OPA3: variants seen among roughly 807,000 people sequenced by gnomAD.
OPA3 encodes optic atrophy 3 protein.
In OPA3, 6 loss-of-function variants were observed where a neutral mutation model predicts 4.0. The observed-to-expected ratio is 1.51, with a 90% CI of 0.83 to 2.99. The LOEUF (loss-of-function observed/expected upper bound fraction) is 2.99. OPA3 is among the 30% of genes most tolerant of loss of function. OPA3 has a pLI of 0.00. For synonymous variants in OPA3, 105 were observed against 117.1 expected (o/e 0.90, Z 0.67); for missense variants, 235 against 256.2 (o/e 0.92, Z 0.56).
At chr19:45,577,357 A>T (rs982380838) in intron 1 of OPA3, among the ~76,000 whole-genome samples, 2 of 152,226 alleles carry the variant, frequency 1.3e-5, no homozygotes, top group African/African-American at 4.8e-5. Flanking sequence ...CCTGAGAGAA[A>T]GCAGGGCCGC....
chr19:45,557,191 T>G (rs1374440445), intron 1 of OPA3, among the ~76,000 whole-genome samples: 1 of 152,046 alleles, frequency 6.6e-6, no homozygotes, highest in East Asian at 1.9e-4. Context: ...GGCCAGCAGG[T>G]GGGTCTAGGT....
At chr19:45,568,035 A>G (rs1019541229) in intron 1 of OPA3, among the ~76,000 whole-genome samples, 3 of 152,086 alleles carry the variant, frequency 2.0e-5, no homozygotes, top group Non-Finnish European at 2.9e-5. Context: ...GTCTCACTCT[A>G]TCACACAAGC....
rs1480523885 is a variant in OPA3, at chr19:45,551,310, TTGAA to T, written c.*2200_*2203del. 6.6e-6 allele frequency: 1 copy of T among 152,432 alleles called. No individual in the cohort carries two copies. Among genetic ancestry groups the T allele is most frequent in the Non-Finnish European group, 1.5e-5 (1 of 68,244 alleles). The allele number at this position is 152,432 out of a possible 1,614,324, so 9.4% of individuals were successfully genotyped here. A position where few individuals can be genotyped will look rare whatever the true frequency, so the allele number is the denominator to read the frequency against. On this transcript the variant is annotated 3_prime_UTR_variant, in exon 2 of 2. Coordinates refer to ENST00000263275, the MANE Select transcript of OPA3 (RefSeq NM_025136.4). ...GAGGAGGAATAGTGGGCTGAATGGC[TTGAA>T]TGGTGTGCCCCCAACAGACAAGTCC...
intron 1 of OPA3, among the ~76,000 whole-genome samples, chr19:45,534,560 CAAAAAAAAAAAA>C (rs71173177): frequency 3.6e-5 from 2 of 54,980 alleles, no homozygotes; most frequent in East Asian, 6.2e-4. Flanking sequence ...AACTCTGTCC[CAAAAAAAAAAAA>C]AAAAAAAAAG....
chr19:45,582,015 T>C (rs1229998210), intron 1 of OPA3, among the ~76,000 whole-genome samples: 1 of 152,068 alleles, frequency 6.6e-6, no homozygotes, highest in African/African-American at 2.4e-5. Context: ...GTCAGGCTGG[T>C]CTCGAACTCC....
intron 1 of OPA3, among the ~76,000 whole-genome samples, chr19:45,579,575 A>C (rs1384257867): frequency 6.6e-6 from 1 of 152,082 alleles, no homozygotes; most frequent in Non-Finnish European, 1.5e-5. Context: ...AAGGTACCTG[A>C]GGGCAAGATG....
Position 45,563,185 on chromosome 19 carries a change from A to T in OPA3, c.143-9274T>A, listed in dbSNP as rs529725917. 1.3e-4 allele frequency among the ~76,000 whole-genome samples: 20 copies of T among 152,252 alleles called. No individual in the cohort carries two copies. In the South Asian group the frequency reaches 3.9e-3, roughly 30 times the overall value. On this transcript the variant is annotated intron_variant, in intron 1 of 1. Coordinates refer to ENST00000263275, the MANE Select transcript of OPA3 (RefSeq NM_025136.4). ...ATTTTTTTGTTTGTTTTAGAGTCGGAGTCTCACTGTGTCGCCCAGGCTGGA... is the reference window on the plus strand; with the variant it reads ...ATTTTTTTGTTTGTTTTAGAGTCGGTGTCTCACTGTGTCGCCCAGGCTGGA...
intron 1 of OPA3, among the ~76,000 whole-genome samples, chr19:45,538,554 C>T (rs1160777075): frequency 6.6e-6 from 1 of 151,894 alleles, no homozygotes; most frequent in African/African-American, 2.4e-5. Flanking sequence ...AACTACCTGT[C>T]TCTACTGAAA....
rs1969300441 is a variant in OPA3, at chr19:45,549,468, T to TGTTC, written c.*4042_*4045dup. Reference sequence around the variant, plus strand: ...GGTCAGGAATTGGAGCTCCTGCCTGTGTTCACACTCCCACCTCTGTTTTTT... The same window carrying TGTTC: ...GGTCAGGAATTGGAGCTCCTGCCTGTGTTCGTTCACACTCCCACCTCTGTTTTTT... On this transcript the variant is annotated 3_prime_UTR_variant, in exon 2 of 2. Transcript: ENST00000263275. The TGTTC allele has an allele frequency of 2.0e-6, 2 of 984,048 alleles. No homozygotes were observed. Among genetic ancestry groups the TGTTC allele is most frequent in the Non-Finnish European group, 2.4e-6 (2 of 829,832 alleles). The allele number at this position is 984,048 out of a possible 1,614,324, so 61.0% of individuals were successfully genotyped here.
intron 1 of OPA3, 182 bp downstream of exon 1, chr19:45,584,441 C>A (rs1355610160): frequency 2.0e-6 from 2 of 985,024 alleles, no homozygotes; most frequent in Non-Finnish European, 2.4e-6. Flanking sequence ...CCCTTACGCC[C>A]CGCCCCGCCC....
chr19:45,537,005 G>A (rs79270510), intron 1 of OPA3, among the ~76,000 whole-genome samples: 3,997 of 152,182 alleles, frequency 0.026, 175 homozygotes, highest in African/African-American at 0.091. Flanking sequence ...CAAGGTGGGA[G>A]GATTGCTTCA....
At chr19:45,543,875 C>T (rs1969215326), downstream of OPA3, among the ~76,000 whole-genome samples, 1 of 152,166 alleles carries the variant, frequency 6.6e-6, no homozygotes, top group Admixed American at 6.6e-5. Flanking sequence ...CTCAAGGTTC[C>T]TGCTGGTTTT....
chr19:45,535,843 T>C (rs1969111109), intron 1 of OPA3, among the ~76,000 whole-genome samples: 1 of 149,700 alleles, frequency 6.7e-6, no homozygotes, highest in South Asian at 2.1e-4. Flanking sequence ...TAGCTCACTA[T>C]AGCCTTGATC....
chr19:45,548,603 C>T lies in OPA3; in HGVS notation c.*4911G>A, dbSNP rs1969285103. The T allele has an allele frequency of 1.0e-6, 1 of 984,750 alleles. No homozygotes were observed. Among genetic ancestry groups the T allele is most frequent in the Non-Finnish European group, 1.2e-6 (1 of 829,824 alleles). The allele number at this position is 984,750 out of a possible 1,614,324, so 61.0% of individuals were successfully genotyped here. A position where few individuals can be genotyped will look rare whatever the true frequency, so the allele number is the denominator to read the frequency against. Reference sequence around the variant, plus strand: ...GCTGTCTCTGTCACCACTGTGACCCCAGCATAGGGTGGGGCAGAGAGTGGG... The same window carrying T: ...GCTGTCTCTGTCACCACTGTGACCCTAGCATAGGGTGGGGCAGAGAGTGGG... On this transcript the variant is annotated 3_prime_UTR_variant, in exon 2 of 2. Transcript: ENST00000263275.
chr19:45,552,212 T>C lies in OPA3; in HGVS notation c.*1302A>G, dbSNP rs1429884558. On this transcript the variant is annotated 3_prime_UTR_variant, in exon 2 of 2. Transcript: ENST00000263275. Reference sequence around the variant, plus strand: ...AGGGATTGACTGCAGGCCAGGACCTTTTGTGGGTTTTTTTAAGATGGAGTT... The same window carrying C: ...AGGGATTGACTGCAGGCCAGGACCTCTTGTGGGTTTTTTTAAGATGGAGTT... 2 of 964,274 alleles carry C rather than the reference T, an allele frequency of 2.1e-6. No individual in the cohort carries two copies. The highest frequency in any genetic ancestry group is 2.4e-6 in the Non-Finnish European group (2 of 817,568). The allele number at this position is 964,274 out of a possible 1,614,324, so 59.7% of individuals were successfully genotyped here.
rs547522057 is a variant in OPA3 at position 45,568,268 on chromosome 19, C to T, written c.143-14357G>A. Reference sequence around the variant, plus strand: ...GCAGTGACACAATCTCGGCTCACTGCAACCTCTGCCTCCTGGTTTCAAGCC... The same window carrying T: ...GCAGTGACACAATCTCGGCTCACTGTAACCTCTGCCTCCTGGTTTCAAGCC... On this transcript the variant is annotated intron_variant, in intron 1 of 1. Transcript: ENST00000263275. Among the ~76,000 whole-genome samples the T allele has an allele frequency of 5.3e-5, 8 of 152,270 alleles. No homozygotes were observed. The South Asian group carries it at 1.7e-3, about 32-fold the overall frequency.
Position 45,574,894 on chromosome 19 carries a change from G to A in OPA3, c.142+9729C>T, listed in dbSNP as rs142457240. Reference sequence around the variant, plus strand: ...TGTGAGATATTCAGCTACCCTGCAGGAAAGACCACGTGGAGAAGAGAGGCC... The same window carrying A: ...TGTGAGATATTCAGCTACCCTGCAGAAAAGACCACGTGGAGAAGAGAGGCC... On this transcript the variant is annotated intron_variant, in intron 1 of 1. Coordinates refer to ENST00000263275, the MANE Select transcript of OPA3 (RefSeq NM_025136.4). Among the ~76,000 whole-genome samples the A allele has an allele frequency of 7.9e-5, 12 of 152,228 alleles. No individual in the cohort carries two copies. In the East Asian group the frequency reaches 2.3e-3, roughly 29 times the overall value.
At chr19:45,565,504 C>T (rs1969569437) in intron 1 of OPA3, among the ~76,000 whole-genome samples, 3 of 151,818 alleles carry the variant, frequency 2.0e-5, no homozygotes, top group Admixed American at 6.6e-5. Flanking sequence ...GTGGCATGAC[C>T]CTGTAATCCC....
At chr19:45,545,164 C>CAAAAA (rs779193252), downstream of OPA3, among the ~76,000 whole-genome samples, 39 of 40,770 alleles carry the variant, frequency 9.6e-4, no homozygotes, top group Admixed American at 1.5e-3. Flanking sequence ...GACACCGTCT[C>CAAAAA]AAAAAAAAAA....
Sources: gnomAD v4.1 joint callset for allele counts (sites outside exome capture counted in the v4.1 genomes callset) on GRCh38, gnomAD v4.1.1 for gene constraint, MANE v1.5 for transcripts, NCBI Gene and HGNC (gene_info 2026-07-23, HGNC 2026-07-21) for gene names.